The following FREM2 variants were observed in gnomAD, a reference collection of about 807,000 sequenced individuals.
FREM2 encodes FRAS1-related extracellular matrix protein 2.
A neutral mutation model predicts 219.9 loss-of-function variants in FREM2; 119 were observed. The observed-to-expected ratio is 0.54, with a 90% CI of 0.47 to 0.63. The LOEUF (loss-of-function observed/expected upper bound fraction) is 0.63, where lower values mean the gene tolerates loss of function less well. FREM2 is among the 30% of genes least tolerant of loss of function. The probability of loss-of-function intolerance (pLI) is 0.00; values close to 1 mark genes in which losing one functional copy is unlikely to be tolerated. For missense variants in FREM2, 4,030 were observed against 3,993.6 expected, an observed-to-expected ratio of 1.01 and a Z score of -0.25; for synonymous variants, 1,562 against 1,522.8, an observed-to-expected ratio of 1.03 and a Z score of -0.60.
chr13:38,824,761 A>G (rs760400936), intron 6 of FREM2, among the ~76,000 whole-genome samples: 4 of 152,068 alleles, frequency 2.6e-5, no homozygotes, highest in Non-Finnish European at 5.9e-5. Flanking sequence ...CCTATCTACA[A>G]TAGAAAAGTG....
In FREM2 at chr13:38,850,976, A is replaced by G. The variant is rs887810078; in HGVS notation, c.6610A>G (p.Met2204Val). ...AGAAAAGCCCTGCATTCTTGAGCTG[A>G]TGGACGATGTGCTCTATGAGGAGGT... ...ETEKPCILEL[M>V]DDVLYEEVEE... The change falls in exon 10 of 24, where the codon ATG (methionine) becomes GTG (valine). Residue 2204 changes from methionine to valine, a missense_variant. This residue lies in a region of FREM2 where 3,102 missense variants were observed against 2,950.7 expected (regional missense o/e 1.05). Transcript: ENST00000280481. 2.5e-6 allele frequency: 4 copies of G among 1,613,166 alleles called. No homozygotes were observed. The highest frequency in any genetic ancestry group is 1.3e-5 in the African/African-American group (1 of 74,904).
intron 6 of FREM2, among the ~76,000 whole-genome samples, chr13:38,792,704 G>GA (rs1218078436): frequency 7.9e-5 from 12 of 152,108 alleles, no homozygotes; most frequent in Admixed American, 6.5e-4. Context: ...CAGATAAGGG[G>GA]AAACTACTAC....
intron 3 of FREM2, among the ~76,000 whole-genome samples, chr13:38,765,118 G>A (rs983794297): frequency 6.6e-6 from 1 of 152,146 alleles, no homozygotes; most frequent in East Asian, 1.9e-4. Context: ...CACCGTGTTA[G>A]CCAGGATAGT....
Position 38,773,201 on chromosome 13 carries a change from C to T in FREM2, c.5641+3393C>T, listed in dbSNP as rs151025672. ...AGTATCACATACAGTTATATGCTTG[C>T]TTATTTCTTTAACCTGGTCCAATAC... On this transcript the variant is annotated intron_variant, in intron 4 of 23. Coordinates refer to ENST00000280481, the MANE Select transcript of FREM2 (RefSeq NM_207361.6). Among the ~76,000 whole-genome samples, 485 of 152,166 alleles carry T rather than the reference C, an allele frequency of 3.2e-3. 1 individual carries two copies. Among genetic ancestry groups the T allele is most frequent in the Admixed American group, 0.01 (157 of 15,270 alleles).
chr13:38,705,221 T>TA (rs1218334954), intron 2 of FREM2, among the ~76,000 whole-genome samples: 1 of 152,076 alleles, frequency 6.6e-6, no homozygotes, highest in East Asian at 1.9e-4. Context: ...GTAAGCTTGA[T>TA]ATAATGTTGG....
chr13:38,765,103 G>A (rs561131924), intron 3 of FREM2, among the ~76,000 whole-genome samples: 3 of 152,040 alleles, frequency 2.0e-5, no homozygotes, highest in Non-Finnish European at 4.4e-5. Flanking sequence ...GTAGAGACGG[G>A]GTTTCACCGT....
At chr13:38,771,202 T>A (rs1873648542) in intron 4 of FREM2, among the ~76,000 whole-genome samples, 1 of 152,206 alleles carries the variant, frequency 6.6e-6, no homozygotes, top group Non-Finnish European at 1.5e-5. Context: ...TGTTTGTAAT[T>A]TTCATTAAAG....
intron 2 of FREM2, among the ~76,000 whole-genome samples, chr13:38,710,736 G>A (rs1331974200): frequency 6.6e-6 from 1 of 152,136 alleles, no homozygotes; most frequent in Non-Finnish European, 1.5e-5. Context: ...GTGAATTGTT[G>A]ATTTCTATTT....
In FREM2 at chr13:38,689,259, A is replaced by G; in HGVS notation, c.1915A>G (p.Thr639Ala). The change falls in exon 1 of 24, where the codon ACA (threonine) becomes GCA (alanine). Residue 639 changes from threonine to alanine, a missense_variant. Physicochemically the swap from Thr to Ala is moderately conservative, Grantham distance 58 (BLOSUM62 0). Coordinates refer to ENST00000280481, the MANE Select transcript of FREM2 (RefSeq NM_207361.6). ...WRKEGAFYER[T>A]VTEWQQQDIT... ...GAAGGAGGGGGCATTTTATGAGCGA[A>G]CAGTGACAGAGTGGCAGCAGCAGGA... 1 of 1,614,090 alleles carries G rather than the reference A, an allele frequency of 6.2e-7. No individual in the cohort carries two copies. Among genetic ancestry groups the G allele is most frequent in the Non-Finnish European group, 8.5e-7 (1 of 1,180,004 alleles).
chr13:38,786,023 T>C (rs930560245), intron 6 of FREM2, among the ~76,000 whole-genome samples: 2 of 152,222 alleles, frequency 1.3e-5, no homozygotes, highest in Non-Finnish European at 1.5e-5. Context: ...ATAATTAGCA[T>C]GTCCATCATG....
Position 38,874,463 on chromosome 13 carries a change from G to T in FREM2, c.8177-19G>T. On this transcript the variant is annotated intron_variant, in intron 17 of 23. Coordinates refer to ENST00000280481, the MANE Select transcript of FREM2 (RefSeq NM_207361.6). Reference sequence around the variant, plus strand: ...TCTGGCTACATATATTTTCATTCTTGGTACTCTCCCCATTATAGGTTCTCT... The same window carrying T: ...TCTGGCTACATATATTTTCATTCTTTGTACTCTCCCCATTATAGGTTCTCT... 1 of 1,592,004 alleles carries T rather than the reference G, an allele frequency of 6.3e-7. No homozygotes were observed. Among genetic ancestry groups the T allele is most frequent in the Non-Finnish European group, 8.6e-7 (1 of 1,160,006 alleles).
chr13:38,731,597 C>G (rs1288753170), intron 2 of FREM2, among the ~76,000 whole-genome samples: 2 of 152,176 alleles, frequency 1.3e-5, no homozygotes, highest in Admixed American at 1.3e-4. Context: ...AAAGACTGGT[C>G]AATCTACGGA....
At chr13:38,842,948 A>G (rs1877014575) in intron 6 of FREM2, among the ~76,000 whole-genome samples, 1 of 152,176 alleles carries the variant, frequency 6.6e-6, no homozygotes, top group South Asian at 2.1e-4. Context: ...GCTAAAATAG[A>G]CTTTTCTGTA....
intron 6 of FREM2, among the ~76,000 whole-genome samples, chr13:38,798,698 G>T (rs1193887574): frequency 1.3e-5 from 2 of 151,920 alleles, no homozygotes; most frequent in African/African-American, 4.8e-5. Flanking sequence ...ATCCTGGTAG[G>T]TTGTATATTT....
chr13:38,751,192 C>CTT (rs149240272), intron 2 of FREM2, among the ~76,000 whole-genome samples: 2,327 of 136,010 alleles, frequency 0.017, 44 homozygotes, highest in African/African-American at 0.037. Flanking sequence ...TATGACAGTT[C>CTT]TTTTTTTTTT....
intron 3 of FREM2, 107 bp from the exon 4 acceptor site, chr13:38,769,471 T>A: frequency 1.0e-6 from 1 of 973,250 alleles, no homozygotes; most frequent in South Asian, 1.4e-5. Flanking sequence ...CAAAGCAGGA[T>A]CAACTTTGCT....
At chr13:38,763,681 T>G (rs1873325378) in intron 2 of FREM2, among the ~76,000 whole-genome samples, 1 of 152,080 alleles carries the variant, frequency 6.6e-6, no homozygotes, top group Admixed American at 6.6e-5. Flanking sequence ...TTTCTGCTGA[T>G]AGGCAGCCCA....
chr13:38,800,461 T>A (rs1323224467), intron 6 of FREM2, among the ~76,000 whole-genome samples: 1 of 152,168 alleles, frequency 6.6e-6, no homozygotes, highest in South Asian at 2.1e-4. Flanking sequence ...GACTAGAAGC[T>A]TTTCTCTTTC....
rs1201586275 is a variant in FREM2, at chr13:38,691,972, T to C, written c.4628T>C (p.Val1543Ala). Residue 1543 changes from valine to alanine, a missense_variant, in exon 1 of 24, where the codon GTC (valine) becomes GCC (alanine). Coordinates refer to ENST00000280481, the MANE Select transcript of FREM2 (RefSeq NM_207361.6). ...GTGGTCACCATCCACAAGCTGGTTG[T>C]CAGTGAAAGTGAAAACAAGCTGATT... ...KPVVTIHKLV[V>A]SESENKLITP... 6.2e-7 allele frequency: 1 copy of C among 1,614,094 alleles called. No individual in the cohort carries two copies. The highest frequency in any genetic ancestry group is 2.2e-5 in the East Asian group (1 of 44,896).
Sources: allele counts gnomAD v4.1 joint callset (sites outside exome capture counted in the v4.1 genomes callset), GRCh38; gene constraint gnomAD v4.1.1; regional missense constraint gnomAD v4.1.1; transcripts MANE v1.5; gene names NCBI Gene and HGNC (gene_info 2026-07-23, HGNC 2026-07-21).